H2BN1: variants seen among roughly 807,000 people sequenced by gnomAD.
The protein encoded by H2BN1 is H2B.N variant histone 1.
the H2BN1 span, among the ~76,000 whole-genome samples, chr17:32,902,837 CT>C: frequency 1.2e-5 from 1 of 83,704 alleles, no homozygotes; most frequent in Non-Finnish European, 2.2e-5. Context: ...GAGACTCCAT[CT>C]CAAAAAAAAA....
chr17:32,897,350 C>G, the H2BN1 span, among the ~76,000 whole-genome samples: 1 of 130,590 alleles, frequency 7.7e-6, no homozygotes, highest in Non-Finnish European at 1.6e-5. Context: ...TCCCCTCTCT[C>G]TCTGTCTTAC....
chr17:32,906,266 G>T, the H2BN1 span: 1 of 152,212 alleles, frequency 6.6e-6, no homozygotes. Flanking sequence ...ACTGGAATGG[G>T]TTAGCCTGGA....
the H2BN1 span, among the ~76,000 whole-genome samples, chr17:32,897,812 A>C: frequency 6.6e-6 from 1 of 152,252 alleles, no homozygotes; most frequent in South Asian, 2.1e-4. Context: ...GCTGAAGACC[A>C]CAAAGAAGTA....
the H2BN1 span, among the ~76,000 whole-genome samples, chr17:32,897,482 A>G: frequency 1.3e-5 from 2 of 152,132 alleles, no homozygotes; most frequent in Non-Finnish European, 2.9e-5. Context: ...GCGTTGGGTA[A>G]ATGATTCTCA....
chr17:32,898,657 T>A, the H2BN1 span, among the ~76,000 whole-genome samples: 1 of 152,192 alleles, frequency 6.6e-6, no homozygotes, highest in Non-Finnish European at 1.5e-5. Flanking sequence ...GGATGGTTTA[T>A]TTTTAGATGG....
the H2BN1 span, among the ~76,000 whole-genome samples, chr17:32,904,408 A>G: frequency 6.6e-6 from 1 of 152,196 alleles, no homozygotes; most frequent in Admixed American, 6.5e-5. Context: ...ACAACAGCCA[A>G]GGGCATTTCC....
the H2BN1 span, among the ~76,000 whole-genome samples, chr17:32,900,506 G>A: frequency 8.5e-5 from 13 of 152,120 alleles, no homozygotes; most frequent in Non-Finnish European, 1.3e-4. Flanking sequence ...TCAAAAAAAG[G>A]CAAAAACTTT....
the H2BN1 span, among the ~76,000 whole-genome samples, chr17:32,901,543 A>T: frequency 6.6e-6 from 1 of 152,194 alleles, no homozygotes; most frequent in Non-Finnish European, 1.5e-5. Flanking sequence ...ATTGGGCCTG[A>T]AGATGAGGCT....
chr17:32,902,618 A>T, the H2BN1 span, among the ~76,000 whole-genome samples: 1 of 152,204 alleles, frequency 6.6e-6, no homozygotes, highest in African/African-American at 2.4e-5. Flanking sequence ...AGGCAGGCGG[A>T]TCACAAGGTC....
the H2BN1 span, among the ~76,000 whole-genome samples, chr17:32,904,265 A>G: frequency 6.6e-6 from 1 of 152,202 alleles, no homozygotes; most frequent in East Asian, 1.9e-4. Context: ...TCAGTTCCTC[A>G]TGTAAATGTA....
At chr17:32,904,514 A>G in the H2BN1 span, among the ~76,000 whole-genome samples, 1 of 152,152 alleles carries the variant, frequency 6.6e-6, no homozygotes, top group Non-Finnish European at 1.5e-5. Flanking sequence ...AACCTCTGGT[A>G]CCCCCAAAGC....
the H2BN1 span, chr17:32,906,234 T>C: frequency 6.6e-6 from 1 of 152,224 alleles, no homozygotes; most frequent in Non-Finnish European, 1.5e-5. Context: ...TTGTATGCAC[T>C]AGGTGCCCTC....
At chr17:32,898,464 C>T in the H2BN1 span, among the ~76,000 whole-genome samples, 2 of 152,190 alleles carry the variant, frequency 1.3e-5, no homozygotes, top group Non-Finnish European at 2.9e-5. Flanking sequence ...AGAGCAGTGA[C>T]TTTGAATAGA....
chr17:32,897,080 G>A, the H2BN1 span, among the ~76,000 whole-genome samples: 1 of 152,186 alleles, frequency 6.6e-6, no homozygotes, highest in South Asian at 2.1e-4. Flanking sequence ...TCAGGGCACT[G>A]TAAGGATAAA....
chr17:32,902,313 G>C, the H2BN1 span, among the ~76,000 whole-genome samples: 1 of 152,140 alleles, frequency 6.6e-6, no homozygotes, highest in Non-Finnish European at 1.5e-5. Flanking sequence ...CTGAGACAGT[G>C]ATCTCAGTTT....
At chr17:32,899,664 T>G in the H2BN1 span, among the ~76,000 whole-genome samples, 10 of 152,354 alleles carry the variant, frequency 6.6e-5, no homozygotes, top group African/African-American at 2.4e-4. Flanking sequence ...AGAATACTCA[T>G]AAATAGTTTG....
chr17:32,898,635 G>A, the H2BN1 span, among the ~76,000 whole-genome samples: 3 of 152,130 alleles, frequency 2.0e-5, no homozygotes, highest in Non-Finnish European at 2.9e-5. Flanking sequence ...TTTGTCTGAT[G>A]TTTCATGGCT....
At chr17:32,897,358 TACACACACACACACACACACACAC>T in the H2BN1 span, among the ~76,000 whole-genome samples, 1 of 123,952 alleles carries the variant, frequency 8.1e-6, no homozygotes, top group East Asian at 2.3e-4. Context: ...CTCTCTGTCT[TACACACACACACACACACACACAC>T]ACACACACAC....
At chr17:32,897,102 G>T in the H2BN1 span, among the ~76,000 whole-genome samples, 1 of 152,172 alleles carries the variant, frequency 6.6e-6, no homozygotes, top group African/African-American at 2.4e-5. Flanking sequence ...CAAGATATTG[G>T]TTGGATAAAT....
Sources: gnomAD v4.1 joint callset for allele counts (sites outside exome capture counted in the v4.1 genomes callset) on GRCh38, gnomAD v4.1.1 for gene constraint, MANE v1.5 for transcripts, NCBI Gene and HGNC (gene_info 2026-07-23, HGNC 2026-07-21) for gene names.